Variants in BPTF observed in about 807,000 individuals in gnomAD.
The protein encoded by BPTF is bromodomain PHD finger transcription factor.
BPTF carries 18 observed loss-of-function variants against 292.5 expected under a neutral mutation model. The ratio of observed to expected loss-of-function variants is 0.06; its 90% CI spans 0.04 to 0.09. The LOEUF is 0.09. Among genes scored for constraint, BPTF ranks in the 10% least tolerant of loss-of-function variants. The pLI, the probability that BPTF is intolerant of heterozygous loss-of-function variation, is 1.00. For synonymous variants in BPTF, 1,225 were observed against 1,251.9 expected, an observed-to-expected ratio of 0.98 and a Z score of 0.45; for missense variants, 2,726 against 3,498.7, an observed-to-expected ratio of 0.78 and a Z score of 5.57.
chr17:67,912,692 T>A lies in BPTF; in HGVS notation c.4808T>A (p.Ile1603Asn), dbSNP rs1239965923. 1 of 1,613,982 alleles carries A rather than the reference T, an allele frequency of 6.2e-7. No homozygotes were observed. Among genetic ancestry groups the A allele is most frequent in the Admixed American group, 1.7e-5 (1 of 60,008 alleles). Residue 1603 changes from isoleucine (I) to asparagine (N), a missense_variant, in exon 11 of 28, where the codon ATC becomes AAC. Transcript: ENST00000306378. ...GTGGCCACAGAATCAAAAACTGTGA[T>A]CAAGGTAGAAAAAGGCGATAAGCAA... ...STVATESKTVIKVEKGDKQTV... is the reference protein window; with the variant it reads ...STVATESKTVNKVEKGDKQTV...
At chr17:67,968,718 G>A (rs1367560081) in intron 26 of BPTF, among the ~76,000 whole-genome samples, 2 of 150,882 alleles carry the variant, frequency 1.3e-5, no homozygotes, top group Non-Finnish European at 2.9e-5. Flanking sequence ...AACCCGGGAG[G>A]TGGAGCTTGC....
At chr17:67,930,258 G>T (rs1463454554) in intron 17 of BPTF, among the ~76,000 whole-genome samples, 3 of 152,064 alleles carry the variant, frequency 2.0e-5, no homozygotes, top group African/African-American at 7.2e-5. Context: ...GAATGCAATG[G>T]CATGATCTCT....
intron 7 of BPTF, among the ~76,000 whole-genome samples, chr17:67,900,623 A>G (rs1228618219): frequency 6.6e-6 from 1 of 152,090 alleles, no homozygotes; most frequent in Non-Finnish European, 1.5e-5. Flanking sequence ...AAGCTTAACT[A>G]AAGACATGAA....
At chr17:67,960,700 A>G (rs2067396418) in intron 24 of BPTF, among the ~76,000 whole-genome samples, 1 of 152,210 alleles carries the variant, frequency 6.6e-6, no homozygotes, top group Admixed American at 6.5e-5. Flanking sequence ...GTGCTTTAAA[A>G]ACTGATCATT....
At chr17:67,913,896 G>A (rs1199798370) in intron 11 of BPTF, among the ~76,000 whole-genome samples, 1 of 152,186 alleles carries the variant, frequency 6.6e-6, no homozygotes, top group Admixed American at 6.5e-5. Flanking sequence ...TGTGGCTACA[G>A]AGACACAGGA....
At chr17:67,871,070 C>T (rs527852789) in intron 3 of BPTF, among the ~76,000 whole-genome samples, 11 of 151,852 alleles carry the variant, frequency 7.2e-5, no homozygotes, top group Admixed American at 3.3e-4. Flanking sequence ...CGCGCCCGGC[C>T]GAAAATGCTT....
chr17:67,920,119 A>G lies in BPTF; in HGVS notation c.5533A>G (p.Ile1845Val). The change falls in exon 13 of 28, where the codon ATT becomes GTT. Residue 1845 changes from isoleucine to valine, a missense_variant. Transcript: ENST00000306378. ...TTGTATCAGGAAAATCATTTGTCCC[A>G]TTGGAGTTCCAGAAACACCAAAAGG... The part of the protein sequence containing the change: ...EYCIRKIICP[I>V]GVPETPKETP... The G allele has an allele frequency of 3.1e-6, 5 of 1,612,584 alleles. No homozygotes were observed. The South Asian group carries it at 4.4e-5, about 14-fold the overall frequency.
intron 27 of BPTF, chr17:67,981,551 G>T: frequency 1.8e-6 from 2 of 1,082,588 alleles, no homozygotes; most frequent in South Asian, 2.3e-5. Flanking sequence ...CAAAAAGTCA[G>T]ATTAGTTAAT....
At chr17:67,928,820 TC>T (rs1297577090) in intron 16 of BPTF, 2 of 942,594 alleles carry the variant, frequency 2.1e-6, no homozygotes, top group African/African-American at 1.7e-5. Context: ...TTTACATAGT[TC>T]ACTTTGAGTG....
chr17:67,984,087 T>TA lies in BPTF; in HGVS notation c.*1805dup, dbSNP rs1364849332. 6.6e-6 allele frequency: 1 copy of TA among 152,620 alleles called. No individual in the cohort carries two copies. The highest frequency in any genetic ancestry group is 1.5e-5 in the Non-Finnish European group (1 of 68,016). The allele number at this position is 152,620 out of a possible 1,614,324, so 9.5% of individuals were successfully genotyped here. A position where few individuals can be genotyped will look rare whatever the true frequency, so the allele number is the denominator to read the frequency against. On this transcript the variant is annotated 3_prime_UTR_variant, in exon 28 of 28. Transcript: ENST00000306378. ...GGGTTATTTTGTCCTTTTACTTTTT[T>TA]AAAAAATGTTACATATTGTATGCAC... is the stretch of plus-strand genomic sequence containing the variant.
Position 67,854,046 on chromosome 17 carries a change from T to C in BPTF, c.720T>C (p.Asn240=), listed in dbSNP as rs923593673. The C allele has an allele frequency of 1.9e-6, 3 of 1,614,100 alleles. No homozygotes were observed. Among genetic ancestry groups the C allele is most frequent in the South Asian group, 2.2e-5 (2 of 91,092 alleles). Residue 240 remains asparagine (N), a synonymous_variant, in exon 2 of 28, where the codon AAT becomes AAC. Coordinates refer to ENST00000306378, the MANE Select transcript of BPTF (RefSeq NM_182641.4). The surrounding 1 kb of genome is among the most constrained non-coding windows in gnomAD (Gnocchi z 5.6). ...PKSSEDLMVP[N]EHIMNVIAIY... The stretch of plus-strand genomic sequence containing the variant: ...CCTCTGAGGATTTAATGGTGCCTAA[T>C]GAGCATATAATGAATGTCATTGCCA...
chr17:67,827,312 C>T (rs982973115), intron 1 of BPTF, among the ~76,000 whole-genome samples: 4 of 152,108 alleles, frequency 2.6e-5, no homozygotes, highest in African/African-American at 4.8e-5. Context: ...GGAAAAAGCC[C>T]TCCCGAAATC....
At chr17:67,877,373 T>A (rs1321586333) in intron 4 of BPTF, among the ~76,000 whole-genome samples, 4 of 152,212 alleles carry the variant, frequency 2.6e-5, no homozygotes, top group Non-Finnish European at 5.9e-5. Flanking sequence ...CTTTGTGATG[T>A]CCCTGGACCA....
At chr17:67,914,522 T>C (rs2062852857) in intron 11 of BPTF, among the ~76,000 whole-genome samples, 1 of 152,236 alleles carries the variant, frequency 6.6e-6, no homozygotes, top group Non-Finnish European at 1.5e-5. Flanking sequence ...TTCTGCTTTC[T>C]TCATTGAGAG....
At chr17:67,959,248 G>A (rs144769118) in intron 23 of BPTF, among the ~76,000 whole-genome samples, 38 of 151,472 alleles carry the variant, frequency 2.5e-4, no homozygotes, top group African/African-American at 7.7e-4. Context: ...ATGGGACAGG[G>A]GCAAGCCAGG....
chr17:67,869,067 A>G (rs971303621), intron 3 of BPTF, among the ~76,000 whole-genome samples: 1 of 152,196 alleles, frequency 6.6e-6, no homozygotes, highest in Non-Finnish European at 1.5e-5. Flanking sequence ...CTCCCCCCAT[A>G]TAGATCAAAT....
chr17:67,931,887 C>T, intron 17 of BPTF, 24 bp from the exon 18 acceptor site: 3 of 1,552,000 alleles, frequency 1.9e-6, no homozygotes, highest in Non-Finnish European at 2.7e-6. Context: ...CATTTTAATT[C>T]ATTGTTCTTT....
intron 4 of BPTF, among the ~76,000 whole-genome samples, chr17:67,881,866 T>G (rs1406076539): frequency 0.024 from 2,813 of 116,096 alleles, 171 homozygotes; most frequent in African/African-American, 0.16. Flanking sequence ...TTGTTTTTTT[T>G]TTTTTTTTTT....
Position 67,912,968 on chromosome 17 carries a change from G to A in BPTF, c.5084G>A (p.Arg1695Lys), listed in dbSNP as rs2062749426. ...AAAGTGAAACTGATGAAATTTTCAAGACCAAAGAAGACTCGTTCAGGTACA... is the reference window on the plus strand; with the variant it reads ...AAAGTGAAACTGATGAAATTTTCAAAACCAAAGAAGACTCGTTCAGGTACA... ...RDKVKLMKFS[R>K]PKKTRSGTAL... Residue 1695 changes from arginine (R) to lysine (K), a missense_variant, in exon 11 of 28, where the codon AGA becomes AAA. Physicochemically the swap from Arg to Lys is conservative, Grantham distance 26 (BLOSUM62 2). Coordinates refer to ENST00000306378, the MANE Select transcript of BPTF (RefSeq NM_182641.4). The A allele has an allele frequency of 6.2e-7, 1 of 1,614,170 alleles. No homozygotes were observed. The highest frequency in any genetic ancestry group is 1.7e-5 in the Admixed American group (1 of 60,022).
Sources: gnomAD v4.1 joint callset for allele counts (sites outside exome capture counted in the v4.1 genomes callset) on GRCh38, gnomAD v4.1.1 for gene constraint, Gnocchi (gnomAD v3.1) non-coding constraint, MANE v1.5 for transcripts, NCBI Gene and HGNC (gene_info 2026-07-23, HGNC 2026-07-21) for gene names.